Variants in PRPF6 observed in about 807,000 individuals in gnomAD.
PRPF6 encodes pre-mRNA-processing factor 6.
Under a neutral mutation model 118.3 loss-of-function variants are expected in PRPF6, and 42 were observed. The observed-to-expected ratio is 0.35, with a 90% CI of 0.28 to 0.46. PRPF6 has a LOEUF of 0.46. PRPF6 is among the 20% of genes least tolerant of loss of function. PRPF6 has a pLI of 1.00. For synonymous variants in PRPF6, 481 were observed against 485.1 expected, an observed-to-expected ratio of 0.99 and a Z score of 0.11; for missense variants, 662 against 1,255.7, an observed-to-expected ratio of 0.53 and a Z score of 7.15.
intron 12 of PRPF6, among the ~76,000 whole-genome samples, chr20:64,021,492 C>T (rs574252080): frequency 6.9e-6 from 1 of 145,952 alleles, no homozygotes; most frequent in Non-Finnish European, 1.5e-5. Flanking sequence ...GCCTCAGCCA[C>T]AGCCCTGTGT....
chr20:63,992,387 G>A (rs1267516546), intron 3 of PRPF6, among the ~76,000 whole-genome samples: 1 of 152,036 alleles, frequency 6.6e-6, no homozygotes, highest in Non-Finnish European at 1.5e-5. Flanking sequence ...TCAGCCTCCT[G>A]AGTAGCTGGG....
Position 64,027,160 on chromosome 20 carries a change from T to A in PRPF6, c.2205+2T>A. 1 of 1,612,836 alleles carries A rather than the reference T, an allele frequency of 6.2e-7. No homozygotes were observed. Among genetic ancestry groups the A allele is most frequent in the Admixed American group, 1.7e-5 (1 of 60,004 alleles). Reference sequence around the variant, plus strand: ...GCGCGGGAAGCCTATAACCAGGGGGTACGTCTCTGCCTGCACCCTGGGGCT... The same window carrying A: ...GCGCGGGAAGCCTATAACCAGGGGGAACGTCTCTGCCTGCACCCTGGGGCT... On this transcript the variant is annotated splice_donor_variant, in intron 16 of 20. Transcript: ENST00000266079. LOFTEE classifies it high-confidence loss of function. The surrounding 1 kb of genome is among the most constrained non-coding windows in gnomAD (Gnocchi z 6.5).
intron 13 of PRPF6, among the ~76,000 whole-genome samples, chr20:64,023,144 C>T (rs1000427485): frequency 6.6e-6 from 1 of 152,244 alleles, no homozygotes; most frequent in Non-Finnish European, 1.5e-5. Context: ...TGTCCTGTAG[C>T]CTGAGGAGTG....
intron 12 of PRPF6, among the ~76,000 whole-genome samples, chr20:64,021,934 C>T (rs1225508536): frequency 7.1e-6 from 1 of 141,468 alleles, no homozygotes; most frequent in East Asian, 2.2e-4. Context: ...CAGCCACAGC[C>T]GTGTGTGTGC....
At chr20:63,993,506 A>G (rs985159815) in intron 4 of PRPF6, 21 bp downstream of exon 4, 1 of 1,595,628 alleles carries the variant, frequency 6.3e-7, no homozygotes, top group African/African-American at 1.3e-5. Flanking sequence ...GAAGCGGTGA[A>G]TGGTGTGCGG....
rs1316027104 is a variant in PRPF6, at chr20:64,011,573, G to C, written c.1524+70G>C. On this transcript the variant is annotated intron_variant, in intron 11 of 20. Coordinates refer to ENST00000266079, the MANE Select transcript of PRPF6 (RefSeq NM_012469.4). The surrounding 1 kb of genome is among the most constrained non-coding windows in gnomAD (Gnocchi z 6.7). ...ATGCAGCACGTGAGAGTCCCACGCA[G>C]GACTGGGGGTTGCTGGATGGTACTG... 9 of 1,506,576 alleles carry C rather than the reference G, an allele frequency of 6.0e-6. No individual in the cohort carries two copies. Among genetic ancestry groups the C allele is most frequent in the Non-Finnish European group, 3.6e-6 (4 of 1,110,968 alleles). 93.3% of individuals were successfully genotyped at this position (1,506,576 alleles called of 1,614,324 possible).
At chr20:64,032,326 T>C (rs1448968774) in intron 20 of PRPF6, among the ~76,000 whole-genome samples, 3 of 152,208 alleles carry the variant, frequency 2.0e-5, no homozygotes, top group Admixed American at 6.5e-5. Flanking sequence ...TAACGAGTTA[T>C]TTGCTGGCTG....
In PRPF6 at chr20:64,031,932, A is replaced by G; in HGVS notation, c.2561A>G (p.Gln854Arg). 1 of 1,614,152 alleles carries G rather than the reference A, an allele frequency of 6.2e-7. No individual in the cohort carries two copies. The highest frequency in any genetic ancestry group is 8.5e-7 in the Non-Finnish European group (1 of 1,180,012). The change falls in exon 20 of 21, where the codon CAG (glutamine) becomes CGG (arginine). Residue 854 changes from glutamine to arginine, a missense_variant. Gln to Arg is a conservative substitution (Grantham distance 43). Transcript: ENST00000266079. Reference protein sequence around the residue: ...LLAVAKLFWSQRKITKAREWF... With the variant: ...LLAVAKLFWSRRKITKAREWF... ...TGCTGGAACAGGCTGTTTTGGAGTC[A>G]GCGGAAGATCACCAAGGCCAGGGAG... is the stretch of plus-strand genomic sequence containing the variant.
intron 9 of PRPF6, among the ~76,000 whole-genome samples, chr20:64,003,653 TG>T (rs1247949545): frequency 6.6e-6 from 1 of 152,160 alleles, no homozygotes; most frequent in Admixed American, 6.5e-5. Context: ...TGGAGTGCAG[TG>T]GCACGACCTC....
At position 64,011,370 on chromosome 20, in the gene PRPF6, G is replaced by A. The variant is rs757455788; in HGVS notation, c.1391G>A (p.Arg464Gln). ...NKARENIPTD[R>Q]HIWITAAKLE... Reference sequence around the variant, plus strand: ...GCGCGGGAGAACATTCCTACAGACCGACATATCTGGATCACGGCTGCTAAG... The same window carrying A: ...GCGCGGGAGAACATTCCTACAGACCAACATATCTGGATCACGGCTGCTAAG... The change falls in exon 11 of 21, where the codon CGA (arginine) becomes CAA (glutamine). Residue 464 changes from arginine (R) to glutamine (Q), a missense_variant. Around this residue, in one of 10 missense-constraint regions of PRPF6, gnomAD observed 189 missense variants for 323.5 expected, o/e 0.58. Coordinates refer to ENST00000266079, the MANE Select transcript of PRPF6 (RefSeq NM_012469.4). This position sits in a 1 kb window ranked among gnomAD's most constrained non-coding sequence, Gnocchi z 6.7. 4.3e-6 allele frequency: 7 copies of A among 1,614,038 alleles called. No homozygotes were observed. The highest frequency in any genetic ancestry group is 5.9e-6 in the Non-Finnish European group (7 of 1,180,040).
Position 64,026,484 on chromosome 20 carries a change from C to CGACAG in PRPF6, c.2028+426_2028+427insGACAG, listed in dbSNP as rs2059291671. Among the ~76,000 whole-genome samples, 1 of 144,592 alleles carries CGACAG rather than the reference C, an allele frequency of 6.9e-6. No homozygotes were observed. Among genetic ancestry groups the CGACAG allele is most frequent in the African/African-American group, 2.6e-5 (1 of 38,548 alleles). The allele number at this position is 144,592 out of a possible 152,430, so 94.9% of individuals were successfully genotyped here. ...TCGCGCCACTGCACTCCAGCCTGGG[C>CGACAG]AGCAAGAGGGAAACTGTCTCAGCAA... On this transcript the variant is annotated intron_variant, in intron 15 of 20. Transcript: ENST00000266079. The surrounding 1 kb of genome is among the most constrained non-coding windows in gnomAD (Gnocchi z 4.4).
In PRPF6 at chr20:63,999,056, C is replaced by T. The variant is rs762565824; in HGVS notation, c.783C>T (p.Ser261=). The change falls in exon 7 of 21, where the codon TCC becomes TCT. Residue 261 remains serine, a synonymous_variant. Transcript: ENST00000266079. ...MDMRLSQVSD[S]VSGQTVVDPK... ...GGCCTGTCTCACAGGTGTCTGACTC[C>T]GTGAGTGGACAGACCGTCGTTGACC... 1.2e-5 allele frequency: 20 copies of T among 1,613,306 alleles called. No individual in the cohort carries two copies. The highest frequency in any genetic ancestry group is 8.8e-5 in the South Asian group (8 of 90,946).
rs567597599 is a variant in PRPF6, at chr20:64,005,134, C to G, written c.1186+3895C>G. ...TCATAAAGTCACACTCCTTGAAGGCCATTGTATCATGGTGTGCCATGTGGC... is the reference window on the plus strand; with the variant it reads ...TCATAAAGTCACACTCCTTGAAGGCGATTGTATCATGGTGTGCCATGTGGC... On this transcript the variant is annotated intron_variant, in intron 9 of 20. Coordinates refer to ENST00000266079, the MANE Select transcript of PRPF6 (RefSeq NM_012469.4). Among the ~76,000 whole-genome samples, 173 of 152,262 alleles carry G rather than the reference C, an allele frequency of 1.1e-3. 1 individual carries two copies. The highest frequency in any genetic ancestry group is 3.9e-3 in the African/African-American group (162 of 41,560).
rs751636573 is a variant in PRPF6 at position 63,993,492 on chromosome 20, C to T, written c.438+7C>T. ...GCAGTTCTCAGACCTCAAGGTGAGC[C>T]GATGAAGCGGTGAATGGTGTGCGGT... On this transcript the variant is annotated splice_region_variant and intron_variant, in intron 4 of 20. Transcript: ENST00000266079. 6.2e-6 allele frequency: 10 copies of T among 1,606,788 alleles called. No individual in the cohort carries two copies. The highest frequency in any genetic ancestry group is 1.3e-5 in the African/African-American group (1 of 74,780).
At chr20:63,997,197 T>G (rs2059144337) in intron 6 of PRPF6, among the ~76,000 whole-genome samples, 1 of 152,108 alleles carries the variant, frequency 6.6e-6, no homozygotes, top group Non-Finnish European at 1.5e-5. Flanking sequence ...CACTACTCTC[T>G]GGATCTTATA....
Position 64,029,540 on chromosome 20 carries a change from T to C in PRPF6, c.2546+49T>C, listed in dbSNP as rs1446704303. On this transcript the variant is annotated intron_variant, in intron 19 of 20. Transcript: ENST00000266079. The surrounding 1 kb of genome is among the most constrained non-coding windows in gnomAD (Gnocchi z 4.8). ...GCTGAACCTCGGGGTCCTAATGGGC[T>C]CTTTTTCCAGAGTCTGTCTGCCTCT... is the stretch of plus-strand genomic sequence containing the variant. 4 of 1,478,570 alleles carry C rather than the reference T, an allele frequency of 2.7e-6. No individual in the cohort carries two copies. Among genetic ancestry groups the C allele is most frequent in the Non-Finnish European group, 3.8e-6 (4 of 1,058,198 alleles). 91.6% of individuals were successfully genotyped at this position (1,478,570 alleles called of 1,614,324 possible). A position where few individuals can be genotyped will look rare whatever the true frequency, so the allele number is the denominator to read the frequency against.
chr20:63,998,921 G>A (rs2123018674), intron 6 of PRPF6, 124 bp from the exon 7 acceptor site: 1 of 685,722 alleles, frequency 1.5e-6, no homozygotes, highest in South Asian at 1.5e-5. Flanking sequence ...GTGAAATGAA[G>A]GCTGTTTTCC....
intron 4 of PRPF6, 148 bp downstream of exon 4, chr20:63,993,633 A>G: frequency 1.4e-6 from 1 of 703,472 alleles, no homozygotes; most frequent in Non-Finnish European, 2.5e-6. Flanking sequence ...TGTTTGCTTC[A>G]GTATGTTTAA....
chr20:64,024,769 A>G, intron 14 of PRPF6, 76 bp downstream of exon 14: 2 of 1,555,242 alleles, frequency 1.3e-6, no homozygotes, highest in East Asian at 2.4e-5. Flanking sequence ...GGGCCTGAAA[A>G]TCTCCCACAT....
Sources: allele counts gnomAD v4.1 joint callset (sites outside exome capture counted in the v4.1 genomes callset), GRCh38; gene constraint gnomAD v4.1.1; regional missense constraint gnomAD v4.1.1; non-coding constraint Gnocchi (gnomAD v3.1); transcripts MANE v1.5; gene names NCBI Gene and HGNC (gene_info 2026-07-23, HGNC 2026-07-21).